TOP6BL: variants seen among roughly 807,000 people sequenced by gnomAD.
TOP6BL encodes TOP6B like initiator of meiotic double strand breaks.
At chr11:66,812,004 CA>C in the TOP6BL span, among the ~76,000 whole-genome samples, 1 of 151,760 alleles carries the variant, frequency 6.6e-6, no homozygotes, top group Non-Finnish European at 1.5e-5. Flanking sequence ...ATTTCTAATC[CA>C]AAAATAGAAA....
At chr11:66,821,709 G>A in the TOP6BL span, 1 of 1,613,246 alleles carries the variant, frequency 6.2e-7, no homozygotes, top group Non-Finnish European at 8.5e-7. Context: ...GTAGTGCAAG[G>A]TTCCATCCAA....
the TOP6BL span, among the ~76,000 whole-genome samples, chr11:66,824,341 G>C: frequency 6.6e-6 from 1 of 151,386 alleles, no homozygotes; most frequent in Non-Finnish European, 1.5e-5. Flanking sequence ...CGCCTCCTGG[G>C]TTCAAGCAAT....
chr11:66,792,903 A>C, the TOP6BL span, among the ~76,000 whole-genome samples: 1 of 152,228 alleles, frequency 6.6e-6, no homozygotes. Flanking sequence ...TGGTAAGCAC[A>C]GAAAATGCTT....
the TOP6BL span, among the ~76,000 whole-genome samples, chr11:66,771,920 A>G: frequency 2.6e-5 from 4 of 152,232 alleles, no homozygotes; most frequent in African/African-American, 9.6e-5. Context: ...AAGTAATTTC[A>G]ACTTTTAAGG....
the TOP6BL span, among the ~76,000 whole-genome samples, chr11:66,812,729 A>G: frequency 6.6e-6 from 1 of 152,224 alleles, no homozygotes; most frequent in Non-Finnish European, 1.5e-5. Context: ...TCAGGGGACA[A>G]GAAAGGTTAA....
chr11:66,769,128 G>T, the TOP6BL span, among the ~76,000 whole-genome samples: 1 of 152,318 alleles, frequency 6.6e-6, no homozygotes, highest in South Asian at 2.1e-4. Context: ...GTGGAATTTG[G>T]CTGGAATGGG....
chr11:66,781,839 T>C, the TOP6BL span, among the ~76,000 whole-genome samples: 1 of 152,216 alleles, frequency 6.6e-6, no homozygotes, highest in Non-Finnish European at 1.5e-5. Context: ...CCTCAGGTTC[T>C]GTTTCTATTA....
At chr11:66,839,077 G>A in the TOP6BL span, 5 of 455,592 alleles carry the variant, frequency 1.1e-5, no homozygotes, top group Middle Eastern at 3.3e-4. Flanking sequence ...GTGTCAGTGC[G>A]TGGGTTGTGA....
At chr11:66,760,900 A>T in the TOP6BL span, among the ~76,000 whole-genome samples, 1 of 152,134 alleles carries the variant, frequency 6.6e-6, no homozygotes, top group Non-Finnish European at 1.5e-5. Flanking sequence ...CCATTTTTTA[A>T]TGACAAATTT....
the TOP6BL span, among the ~76,000 whole-genome samples, chr11:66,751,886 A>G: frequency 6.6e-6 from 1 of 152,086 alleles, no homozygotes; most frequent in Non-Finnish European, 1.5e-5. Flanking sequence ...TTCTGTTTTT[A>G]TCATCTAGTC....
the TOP6BL span, among the ~76,000 whole-genome samples, chr11:66,763,246 G>A: frequency 2.6e-5 from 4 of 152,258 alleles, no homozygotes; most frequent in South Asian, 8.3e-4. Flanking sequence ...GCTAAATGAA[G>A]TGATCAGATG....
chr11:66,755,063 A>C, the TOP6BL span, among the ~76,000 whole-genome samples: 2 of 151,298 alleles, frequency 1.3e-5, no homozygotes, highest in Non-Finnish European at 1.5e-5. Context: ...CCTTATACTT[A>C]GATTACTCAG....
chr11:66,821,895 T>C, the TOP6BL span: 2 of 1,107,430 alleles, frequency 1.8e-6, no homozygotes, highest in Non-Finnish European at 2.6e-6. Flanking sequence ...ACCTGGGTGA[T>C]CTTGTAACAC....
At chr11:66,764,968 C>CA in the TOP6BL span, among the ~76,000 whole-genome samples, 118 of 127,220 alleles carry the variant, frequency 9.3e-4, no homozygotes, top group African/African-American at 1.6e-3. Context: ...ATCTTGTCTC[C>CA]AAAAAAAAAA....
At chr11:66,843,380 G>C in the TOP6BL span, 2 of 1,432,798 alleles carry the variant, frequency 1.4e-6, no homozygotes, top group South Asian at 1.5e-5. Context: ...GCGGGGCGTG[G>C]AGCCGCGCCG....
At chr11:66,809,284 A>G in the TOP6BL span, among the ~76,000 whole-genome samples, 1 of 152,248 alleles carries the variant, frequency 6.6e-6, no homozygotes. Flanking sequence ...TCTTTAAAAG[A>G]TAAATTAACA....
At chr11:66,766,221 A>C in the TOP6BL span, among the ~76,000 whole-genome samples, 1 of 152,172 alleles carries the variant, frequency 6.6e-6, no homozygotes, top group Non-Finnish European at 1.5e-5. Flanking sequence ...TGAACTGTTG[A>C]AGAACTATCA....
the TOP6BL span, chr11:66,843,371 C>T: frequency 1.4e-6 from 2 of 1,441,116 alleles, no homozygotes; most frequent in South Asian, 2.8e-5. Context: ...CGGGGCGGGG[C>T]GGGGCGTGGA....
the TOP6BL span, among the ~76,000 whole-genome samples, chr11:66,750,521 C>G: frequency 6.6e-6 from 1 of 152,060 alleles, no homozygotes; most frequent in African/African-American, 2.4e-5. Flanking sequence ...GCACTCCAGC[C>G]TGGGTGACAG....
Sources: gnomAD v4.1 joint callset for allele counts (sites outside exome capture counted in the v4.1 genomes callset) on GRCh38, gnomAD v4.1.1 for gene constraint, MANE v1.5 for transcripts, NCBI Gene and HGNC (gene_info 2026-07-23, HGNC 2026-07-21) for gene names.